The following ETFA variants were observed in gnomAD, a reference collection of about 807,000 sequenced individuals.
ETFA encodes the protein electron transfer flavoprotein subunit alpha.
A neutral mutation model predicts 46.2 loss-of-function variants in ETFA; 22 were observed. That is an observed-to-expected ratio of 0.48 (90% confidence interval 0.34 to 0.68). ETFA has a LOEUF of 0.68. Ranked by LOEUF, ETFA falls within the 30% of genes least tolerant of loss-of-function variation. The pLI is 0.01. For synonymous variants in ETFA, 131 were observed against 139.9 expected (o/e 0.94, Z 0.45); for missense variants, 345 against 401.1 (o/e 0.86, Z 1.19).
intron 8 of ETFA, among the ~76,000 whole-genome samples, chr15:76,282,595 T>C (rs142785276): frequency 6.6e-6 from 1 of 152,336 alleles, no homozygotes; most frequent in African/African-American, 2.4e-5. Context: ...ACCATCTGAT[T>C]ATACAGTGTC....
intron 9 of ETFA, chr15:76,259,752 C>T: frequency 6.3e-7 from 1 of 1,597,282 alleles, no homozygotes; most frequent in Non-Finnish European, 8.5e-7. Context: ...GCGGCCAGGT[C>T]TCGGTGGATG....
intron 1 of ETFA, 48 bp from the exon 2 acceptor site, chr15:76,295,785 GGTTT>G: frequency 7.0e-7 from 1 of 1,423,482 alleles, no homozygotes; most frequent in African/African-American, 1.6e-5. Flanking sequence ...GTTGTCACAG[GGTTT>G]TTTTTTTTTT....
rs568672936 is a variant in ETFA, at chr15:76,305,083, C to G, written c.39+6267G>C. Among the ~76,000 whole-genome samples the G allele has an allele frequency of 6.6e-5, 10 of 152,174 alleles. No homozygotes were observed. In the South Asian group the frequency reaches 2.1e-3, roughly 32 times the overall value. On this transcript the variant is annotated intron_variant, in intron 1 of 11. Coordinates refer to ENST00000557943, the MANE Select transcript of ETFA (RefSeq NM_000126.4). The stretch of plus-strand genomic sequence containing the variant: ...AAAGAAAGAAAGAAAATCCTCCGCT[C>G]TATTACTTTATCACTCAGTAACAAT...
intron 9 of ETFA, among the ~76,000 whole-genome samples, chr15:76,232,784 T>G (rs1164574232): frequency 6.6e-6 from 1 of 152,182 alleles, no homozygotes; most frequent in Middle Eastern, 3.2e-3. Context: ...CCAGCACTGG[T>G]GCTTGTAAAG....
chr15:76,239,107 C>A lies in ETFA; in HGVS notation c.817-7709G>T, dbSNP rs190725056. 3.4e-3 allele frequency among the ~76,000 whole-genome samples: 513 copies of A among 152,278 alleles called. 5 individuals carry two copies. Among genetic ancestry groups the A allele is most frequent in the African/African-American group, 0.012 (498 of 41,560 alleles). ...CAGTAACTATGCTGTACTTTATACA[C>A]ACGACCTCATTTAACTATGACAACA... is the stretch of plus-strand genomic sequence containing the variant. On this transcript the variant is annotated intron_variant, in intron 9 of 11. Coordinates refer to ENST00000557943, the MANE Select transcript of ETFA (RefSeq NM_000126.4).
chr15:76,273,183 T>G (rs898653255), intron 9 of ETFA, among the ~76,000 whole-genome samples: 2 of 152,134 alleles, frequency 1.3e-5, no homozygotes, highest in Admixed American at 6.6e-5. Flanking sequence ...GTAGGTTATA[T>G]AAAAAACTCC....
At position 76,274,394 on chromosome 15, in the gene ETFA, T is replaced by C; in HGVS notation, c.816+18A>G. The C allele has an allele frequency of 6.4e-7, 1 of 1,571,412 alleles. No homozygotes were observed. Among genetic ancestry groups the C allele is most frequent in the South Asian group, 1.1e-5 (1 of 88,090 alleles). ...TCCCCATAACATTTTACACAGCATATTTTATTGCAATACTTACTGGTGCTA... is the reference window on the plus strand; with the variant it reads ...TCCCCATAACATTTTACACAGCATACTTTATTGCAATACTTACTGGTGCTA... On this transcript the variant is annotated intron_variant, in intron 9 of 11. Coordinates refer to ENST00000557943, the MANE Select transcript of ETFA (RefSeq NM_000126.4).
intron 1 of ETFA, among the ~76,000 whole-genome samples, chr15:76,304,163 T>C (rs1433567999): frequency 1.3e-5 from 2 of 152,120 alleles, no homozygotes; most frequent in African/African-American, 4.8e-5. Context: ...CTGGAGGCCA[T>C]TATCCTAAGT....
chr15:76,275,357 T>A (rs1282093477), intron 8 of ETFA, among the ~76,000 whole-genome samples: 1 of 152,112 alleles, frequency 6.6e-6, no homozygotes, highest in African/African-American at 2.4e-5. Flanking sequence ...AAAACTCAGG[T>A]TTTATTTACC....
rs374761612 is a variant in ETFA, at chr15:76,311,413, G to C, written c.-25C>G. On this transcript the variant is annotated 5_prime_UTR_variant, in exon 1 of 12. Transcript: ENST00000557943. ...TGGTCTCCGCTTCCGCCGCAACCTC[G>C]GCCTTACAGCAGCCCCGTGCCCGGC... 5 of 1,553,438 alleles carry C rather than the reference G, an allele frequency of 3.2e-6. No individual in the cohort carries two copies. Among genetic ancestry groups the C allele is most frequent in the African/African-American group, 1.4e-5 (1 of 73,462 alleles).
At chr15:76,261,495 C>G in intron 9 of ETFA, 1 of 769,722 alleles carries the variant, frequency 1.3e-6, no homozygotes, top group South Asian at 1.7e-5. Flanking sequence ...CCTCCATCCC[C>G]TCCATGCTGC....
chr15:76,288,088 C>T, intron 4 of ETFA, 143 bp from the exon 5 acceptor site: 8 of 648,536 alleles, frequency 1.2e-5, no homozygotes, highest in Non-Finnish European at 2.0e-5. Context: ...TTTGGATACA[C>T]AACTTCAAGC....
intron 8 of ETFA, among the ~76,000 whole-genome samples, chr15:76,278,447 C>T (rs920696206): frequency 1.3e-5 from 2 of 152,176 alleles, no homozygotes; most frequent in Non-Finnish European, 2.9e-5. Flanking sequence ...TCTTATATCA[C>T]ACCACACTCA....
chr15:76,261,857 T>C (rs1004375697), intron 9 of ETFA, among the ~76,000 whole-genome samples: 2 of 152,120 alleles, frequency 1.3e-5, no homozygotes, highest in Admixed American at 6.5e-5. Flanking sequence ...AGTGGTAAAA[T>C]ATTCACTCAG....
intron 10 of ETFA, chr15:76,226,133 C>T: frequency 1.8e-6 from 1 of 555,264 alleles, no homozygotes; most frequent in South Asian, 2.3e-5. Flanking sequence ...TCTAGCCCAT[C>T]TCAGTATTAA....
At chr15:76,242,153 T>A (rs2039198725) in intron 9 of ETFA, among the ~76,000 whole-genome samples, 2 of 152,196 alleles carry the variant, frequency 1.3e-5, no homozygotes, top group African/African-American at 4.8e-5. Flanking sequence ...AAATTTTTTA[T>A]CAGCAAAGTT....
At chr15:76,271,600 T>C (rs576476791) in intron 9 of ETFA, among the ~76,000 whole-genome samples, 4 of 152,324 alleles carry the variant, frequency 2.6e-5, no homozygotes, top group Non-Finnish European at 5.9e-5. Flanking sequence ...AAGGACATTT[T>C]TGGAATAACA....
chr15:76,285,511 T>C, intron 7 of ETFA, 126 bp downstream of exon 7: 1 of 662,172 alleles, frequency 1.5e-6, no homozygotes. Flanking sequence ...ATGGGAATAA[T>C]ATCCCAAACT....
intron 9 of ETFA, among the ~76,000 whole-genome samples, chr15:76,271,630 G>T (rs1261369255): frequency 1.3e-5 from 2 of 152,024 alleles, no homozygotes; most frequent in Non-Finnish European, 2.9e-5. Context: ...TGAATGTCAG[G>T]GTCTGATGCT....
Sources: gnomAD v4.1 joint callset for allele counts (sites outside exome capture counted in the v4.1 genomes callset) on GRCh38, gnomAD v4.1.1 for gene constraint, MANE v1.5 for transcripts, NCBI Gene and HGNC (gene_info 2026-07-23, HGNC 2026-07-21) for gene names.